Variants in FAM169A observed in about 807,000 individuals in gnomAD.
The protein encoded by FAM169A is soluble lamin-associated protein of 75 kDa.
A neutral mutation model predicts 75.7 loss-of-function variants in FAM169A; 24 were observed. The observed-to-expected ratio is 0.32, with a 90% CI of 0.23 to 0.45. The LOEUF (loss-of-function observed/expected upper bound fraction) is 0.45. Among genes scored for constraint, FAM169A ranks in the 20% least tolerant of loss-of-function variants. The pLI is 1.00. For missense variants in FAM169A, 673 were observed against 784.0 expected (o/e 0.86, Z 1.69); for synonymous variants, 271 against 271.0 (o/e 1.00, Z 0.00).
At chr5:74,835,524 C>A (rs542447709) in intron 4 of FAM169A, among the ~76,000 whole-genome samples, 1 of 147,148 alleles carries the variant, frequency 6.8e-6, no homozygotes, top group Admixed American at 7.0e-5. Context: ...ATCACTTGAG[C>A]GCAAGAGGTT....
At chr5:74,811,271 GA>G (rs776268304) in intron 6 of FAM169A, among the ~76,000 whole-genome samples, 3 of 152,122 alleles carry the variant, frequency 2.0e-5, no homozygotes, top group Non-Finnish European at 4.4e-5. Context: ...TAGGAAGATA[GA>G]AATTAGCTGA....
At chr5:74,866,034 G>T (rs1399761679) in intron 1 of FAM169A, 131 bp downstream of exon 1, 1 of 309,000 alleles carries the variant, frequency 3.2e-6, no homozygotes, top group Non-Finnish European at 4.7e-6. Flanking sequence ...AGCCCGCAGG[G>T]GCCGCCCACA....
chr5:74,802,121 G>C (rs1746613093), intron 8 of FAM169A, among the ~76,000 whole-genome samples: 1 of 152,044 alleles, frequency 6.6e-6, no homozygotes, highest in Non-Finnish European at 1.5e-5. Context: ...AGTCATTCTA[G>C]CCAGAAAACA....
intron 11 of FAM169A, among the ~76,000 whole-genome samples, chr5:74,786,936 C>G (rs1473015584): frequency 1.3e-5 from 2 of 152,120 alleles, no homozygotes; most frequent in African/African-American, 2.4e-5. Flanking sequence ...CTTGTAAACT[C>G]TGATGAGACT....
chr5:74,848,484 TTTC>T (rs1164977011), intron 1 of FAM169A: 1 of 152,186 alleles, frequency 6.6e-6, no homozygotes, highest in Non-Finnish European at 1.5e-5. Context: ...TACATAACAT[TTTC>T]TTTTGTAAAA....
chr5:74,794,848 G>A (rs934814445), intron 11 of FAM169A, among the ~76,000 whole-genome samples: 4 of 151,532 alleles, frequency 2.6e-5, no homozygotes, highest in African/African-American at 7.3e-5. Flanking sequence ...CTAGCTACTC[G>A]GGAGGCAGAG....
chr5:74,783,285 G>A, intron 11 of FAM169A, 151 bp from the exon 12 acceptor site: 1 of 592,098 alleles, frequency 1.7e-6, no homozygotes, highest in African/African-American at 1.8e-5. Flanking sequence ...AGTCTTACTG[G>A]GGGAAGGAGG....
chr5:74,827,316 C>G (rs1441095800), intron 5 of FAM169A, among the ~76,000 whole-genome samples: 1 of 152,092 alleles, frequency 6.6e-6, no homozygotes, highest in South Asian at 2.1e-4. Flanking sequence ...CTGTTACCAT[C>G]CATTGAACAA....
chr5:74,827,375 ATT>A (rs1748089220), intron 5 of FAM169A, among the ~76,000 whole-genome samples: 1 of 151,988 alleles, frequency 6.6e-6, no homozygotes, highest in African/African-American at 2.4e-5. Flanking sequence ...TTGCACTAAT[ATT>A]TCTATGATAT....
At chr5:74,858,395 C>CA (rs1013366814) in intron 1 of FAM169A, among the ~76,000 whole-genome samples, 1 of 151,900 alleles carries the variant, frequency 6.6e-6, no homozygotes, top group Admixed American at 6.6e-5. Context: ...CTCAAAAAAA[C>CA]AAAAAAACAA....
chr5:74,785,747 G>C (rs945913941), intron 11 of FAM169A, among the ~76,000 whole-genome samples: 1 of 152,208 alleles, frequency 6.6e-6, no homozygotes, highest in African/African-American at 2.4e-5. Flanking sequence ...GCATGACAGA[G>C]AATCTGTCTC....
chr5:74,810,271 G>A (rs1380335010), intron 6 of FAM169A, among the ~76,000 whole-genome samples: 1 of 152,164 alleles, frequency 6.6e-6, no homozygotes, highest in Non-Finnish European at 1.5e-5. Context: ...AAGTGGTACT[G>A]ACAGAAAGCA....
intron 8 of FAM169A, among the ~76,000 whole-genome samples, chr5:74,804,264 A>C (rs1315220507): frequency 6.6e-6 from 1 of 152,102 alleles, no homozygotes; most frequent in African/African-American, 2.4e-5. Flanking sequence ...GTTTATTCTA[A>C]ATTACCCTTA....
rs56653446 is a variant in FAM169A at position 74,842,420 on chromosome 5, C to CAAA, written c.-3-744_-3-742dup. Among the ~76,000 whole-genome samples the CAAA allele has an allele frequency of 2.3e-3, 51 of 22,478 alleles. 15 individuals carry two copies. Among genetic ancestry groups the CAAA allele is most frequent in the Admixed American group, 3.7e-3 (4 of 1,082 alleles). The allele number at this position is 22,478 out of a possible 152,430, so 14.7% of individuals were successfully genotyped here. A position where few individuals can be genotyped will look rare whatever the true frequency, so the allele number is the denominator to read the frequency against. The stretch of plus-strand genomic sequence containing the variant: ...TGGGTGAAAGAGTGAGACTCTATCA[C>CAAA]AAAAAAAAAAAAAAAAAAAAAAAAA... On this transcript the variant is annotated intron_variant, in intron 1 of 12. Coordinates refer to ENST00000687041, the MANE Select transcript of FAM169A (RefSeq NM_001376049.1).
intron 6 of FAM169A, among the ~76,000 whole-genome samples, chr5:74,810,696 G>A (rs1451330057): frequency 6.9e-6 from 1 of 144,196 alleles, no homozygotes; most frequent in African/African-American, 2.6e-5. Flanking sequence ...CTTGCAGTGA[G>A]CCGAGTTTGT....
rs1316135171 is a variant in FAM169A, at chr5:74,841,611, A to G, written c.66T>C (p.Asp22=). 6.2e-6 allele frequency: 10 copies of G among 1,612,984 alleles called. No individual in the cohort carries two copies. The Admixed American group carries it at 1.3e-4, about 22-fold the overall frequency. ...SHEELENSAE[D]YMSDLRCGDP... ...CCCCACACCTTAAATCTGACATGTA[A>G]TCTTCAGCAGAATTTTCCAATTCCT... Residue 22 remains aspartate (D), a synonymous_variant, in exon 2 of 13, where the codon GAT becomes GAC. Transcript: ENST00000687041.
chr5:74,785,576 A>G (rs1745655798), intron 11 of FAM169A, among the ~76,000 whole-genome samples: 1 of 152,096 alleles, frequency 6.6e-6, no homozygotes, highest in Admixed American at 6.5e-5. Context: ...GGACTGGCCA[A>G]CATTGGCAAA....
chr5:74,858,205 G>T (rs1749824579), intron 1 of FAM169A, among the ~76,000 whole-genome samples: 1 of 151,940 alleles, frequency 6.6e-6, no homozygotes, highest in Admixed American at 6.6e-5. Flanking sequence ...GACCAACATA[G>T]TGAAACTCCG....
chr5:74,860,519 C>T (rs191583114), intron 1 of FAM169A, among the ~76,000 whole-genome samples: 45 of 152,254 alleles, frequency 3.0e-4, no homozygotes, highest in Admixed American at 2.8e-3. Context: ...TTATGACAGA[C>T]TACACCAAAC....
Sources: allele counts gnomAD v4.1 joint callset (sites outside exome capture counted in the v4.1 genomes callset), GRCh38; gene constraint gnomAD v4.1.1; transcripts MANE v1.5; gene names NCBI Gene and HGNC (gene_info 2026-07-23, HGNC 2026-07-21).